The following GNAI1 variants were observed in gnomAD, a reference collection of about 807,000 sequenced individuals.
GNAI1 encodes the protein guanine nucleotide-binding protein G(i) subunit alpha-1.
Under a neutral mutation model 38.9 loss-of-function variants are expected in GNAI1, and 11 were observed. That is an observed-to-expected ratio of 0.28 (90% CI 0.18 to 0.47). GNAI1 has a LOEUF of 0.47. GNAI1 is among the 20% of genes least tolerant of loss of function. The pLI, the probability that GNAI1 is intolerant of heterozygous loss-of-function variation, is 0.99. For synonymous variants in GNAI1, 166 were observed against 145.1 expected (o/e 1.14, Z -1.04); for missense variants, 317 against 436.9 (o/e 0.73, Z 2.45).
intron 1 of GNAI1, among the ~76,000 whole-genome samples, chr7:80,150,381 G>A (rs1787702608): frequency 6.6e-6 from 1 of 152,266 alleles, no homozygotes; most frequent in East Asian, 1.9e-4. Flanking sequence ...AGTGCTATAC[G>A]GAGATAGTGA....
Position 80,202,886 on chromosome 7 carries a change from C to T in GNAI1, c.462-818C>T, listed in dbSNP as rs115333654. 5.0e-3 allele frequency among the ~76,000 whole-genome samples: 759 copies of T among 152,260 alleles called. 9 individuals carry two copies. The highest frequency in any genetic ancestry group is 0.017 in the African/African-American group (714 of 41,548). ...ATCTCCATACTGATTTACAGCTTCT[C>T]CTGGGGCAGTGTCATTCCTTTTCTT... On this transcript the variant is annotated intron_variant, in intron 4 of 7. Coordinates refer to ENST00000649796, the MANE Select transcript of GNAI1 (RefSeq NM_002069.6).
intron 5 of GNAI1, among the ~76,000 whole-genome samples, chr7:80,205,166 A>G (rs1788751828): frequency 6.6e-6 from 1 of 152,190 alleles, no homozygotes; most frequent in South Asian, 2.1e-4. Flanking sequence ...TGAATATAAT[A>G]GAGTCACATT....
intron 1 of GNAI1, among the ~76,000 whole-genome samples, chr7:80,176,402 C>A (rs1315279943): frequency 6.6e-6 from 1 of 152,192 alleles, no homozygotes; most frequent in East Asian, 1.9e-4. Context: ...TCCGGAAGAT[C>A]TAGCTAAGAT....
Position 80,199,364 on chromosome 7 carries a change from T to G in GNAI1, c.443T>G (p.Leu148Arg). The change falls in exon 4 of 8, where the codon CTT (leucine) becomes CGT (arginine). Residue 148 changes from leucine (L) to arginine (R), a missense_variant. Leu to Arg is a moderately radical substitution (Grantham distance 102). Coordinates refer to ENST00000649796, the MANE Select transcript of GNAI1 (RefSeq NM_002069.6). Reference protein sequence around the residue: ...ACFNRSREYQLNDSAAYYLND... With the variant: ...ACFNRSREYQRNDSAAYYLND... The stretch of plus-strand genomic sequence containing the variant: ...TTCAACAGATCCCGAGAGTACCAGC[T>G]TAATGATTCTGCAGCATAGTAAGTA... The G allele has an allele frequency of 1.9e-6, 3 of 1,607,422 alleles. No homozygotes were observed. The highest frequency in any genetic ancestry group is 2.6e-6 in the Non-Finnish European group (3 of 1,176,018).
intron 1 of GNAI1, among the ~76,000 whole-genome samples, chr7:80,186,328 G>C (rs1375352292): frequency 3.9e-5 from 6 of 152,026 alleles, no homozygotes; most frequent in Non-Finnish European, 8.8e-5. Flanking sequence ...ACCGTGCCTG[G>C]CCCCCCACTC....
chr7:80,165,803 G>A (rs1258683352), intron 1 of GNAI1, among the ~76,000 whole-genome samples: 6 of 152,132 alleles, frequency 3.9e-5, no homozygotes, highest in African/African-American at 1.2e-4. Flanking sequence ...TTCTGATTTG[G>A]AAATAAATCA....
chr7:80,210,573 GA>G (rs1788855334), intron 5 of GNAI1, among the ~76,000 whole-genome samples: 1 of 152,090 alleles, frequency 6.6e-6, no homozygotes, highest in Admixed American at 6.5e-5. Flanking sequence ...GTGGCAAATG[GA>G]ATATTTACTC....
intron 1 of GNAI1, among the ~76,000 whole-genome samples, chr7:80,147,391 A>G (rs978130885): frequency 1.7e-4 from 25 of 146,566 alleles, no homozygotes; most frequent in African/African-American, 5.2e-4. Flanking sequence ...AAAAAAAAAG[A>G]CACAGGAGCT....
intron 1 of GNAI1, among the ~76,000 whole-genome samples, chr7:80,152,054 C>T (rs561648337): frequency 5.3e-5 from 8 of 152,128 alleles, no homozygotes; most frequent in South Asian, 4.1e-4. Context: ...TTTTAGTATA[C>T]GCTATTTCCT....
At chr7:80,208,236 A>T (rs1234755010) in intron 5 of GNAI1, among the ~76,000 whole-genome samples, 5 of 152,130 alleles carry the variant, frequency 3.3e-5, no homozygotes, top group African/African-American at 1.2e-4. Flanking sequence ...ATCTTTTTAT[A>T]TGAAGGAGAA....
intron 5 of GNAI1, among the ~76,000 whole-genome samples, chr7:80,207,196 A>G (rs1015060265): frequency 3.9e-5 from 6 of 152,054 alleles, no homozygotes; most frequent in Non-Finnish European, 8.8e-5. Flanking sequence ...AAAAGTGAGA[A>G]CTGTATACAT....
intron 1 of GNAI1, among the ~76,000 whole-genome samples, chr7:80,181,789 A>G (rs1251101569): frequency 6.6e-6 from 1 of 152,230 alleles, no homozygotes; most frequent in African/African-American, 2.4e-5. Context: ...ATATATTTAC[A>G]GTATACAAGC....
chr7:80,206,316 A>T (rs559728367), intron 5 of GNAI1, among the ~76,000 whole-genome samples: 1 of 151,964 alleles, frequency 6.6e-6, no homozygotes, highest in Admixed American at 6.6e-5. Flanking sequence ...AATACATGCT[A>T]TGGTGTTGCA....
At chr7:80,151,401 C>CAA (rs201814243) in intron 1 of GNAI1, among the ~76,000 whole-genome samples, 1 of 143,392 alleles carries the variant, frequency 7.0e-6, no homozygotes, top group South Asian at 2.2e-4. Flanking sequence ...ACCACAAAGC[C>CAA]AAAAAAAAAA....
intron 1 of GNAI1, among the ~76,000 whole-genome samples, chr7:80,172,798 C>T (rs532500140): frequency 3.0e-4 from 46 of 152,166 alleles, no homozygotes; most frequent in Non-Finnish European, 5.4e-4. Context: ...TTAGTTTTCA[C>T]GAGGAAAACC....
intron 1 of GNAI1, among the ~76,000 whole-genome samples, chr7:80,186,512 A>T (rs1788388826): frequency 6.6e-6 from 1 of 152,172 alleles, no homozygotes; most frequent in South Asian, 2.1e-4. Context: ...CTTAAGGTTT[A>T]AACATTCTCA....
chr7:80,178,830 T>C (rs1788240597), intron 1 of GNAI1, among the ~76,000 whole-genome samples: 1 of 152,168 alleles, frequency 6.6e-6, no homozygotes, highest in African/African-American at 2.4e-5. Flanking sequence ...GAAAACTTCA[T>C]AGAAATCGTT....
intron 1 of GNAI1, among the ~76,000 whole-genome samples, chr7:80,181,701 A>G (rs1191866576): frequency 6.6e-6 from 1 of 152,154 alleles, no homozygotes; most frequent in Non-Finnish European, 1.5e-5. Flanking sequence ...ACATAAATGT[A>G]TTCTTTCATG....
chr7:80,170,083 G>T (rs1788075277), intron 1 of GNAI1, among the ~76,000 whole-genome samples: 1 of 152,142 alleles, frequency 6.6e-6, no homozygotes, highest in Non-Finnish European at 1.5e-5. Context: ...ATGGACAGTT[G>T]TCTTGTTTCC....
Sources: allele counts gnomAD v4.1 joint callset (sites outside exome capture counted in the v4.1 genomes callset), GRCh38; gene constraint gnomAD v4.1.1; transcripts MANE v1.5; gene names NCBI Gene and HGNC (gene_info 2026-07-23, HGNC 2026-07-21).